Variants in TM2D1 observed in about 807,000 individuals in gnomAD.
TM2D1 encodes TM2 domain-containing protein 1.
A neutral mutation model predicts 28.4 loss-of-function variants in TM2D1; 15 were observed. The ratio of observed to expected loss-of-function variants is 0.53; its 90% CI spans 0.35 to 0.81. The LOEUF (loss-of-function observed/expected upper bound fraction) is 0.81, where lower values mean the gene tolerates loss of function less well. Ranked by LOEUF, TM2D1 falls within the 40% of genes least tolerant of loss-of-function variation. The pLI is 0.01. For synonymous variants in TM2D1, 93 were observed against 96.2 expected (o/e 0.97, Z 0.20); for missense variants, 236 against 254.9 (o/e 0.93, Z 0.50).
chr1:61,688,655 G>A (rs537630062), intron 5 of TM2D1, among the ~76,000 whole-genome samples: 28 of 151,338 alleles, frequency 1.9e-4, no homozygotes, highest in African/African-American at 3.2e-4. Context: ...CCCAGGAGGC[G>A]GAGGTCACAG....
At chr1:61,708,111 T>C (rs1644453643) in intron 3 of TM2D1, among the ~76,000 whole-genome samples, 1 of 152,156 alleles carries the variant, frequency 6.6e-6, no homozygotes, top group African/African-American at 2.4e-5. Flanking sequence ...TCTGTTACTG[T>C]GATCATAGCT....
At chr1:61,700,005 A>G in intron 4 of TM2D1, 1 of 874,432 alleles carries the variant, frequency 1.1e-6, no homozygotes, top group Non-Finnish European at 1.5e-6. Flanking sequence ...TTTGCTAGCT[A>G]GTAGGCAGAG....
chr1:61,688,408 T>C (rs1438963433), intron 5 of TM2D1, among the ~76,000 whole-genome samples: 2 of 152,138 alleles, frequency 1.3e-5, no homozygotes, highest in Non-Finnish European at 2.9e-5. Flanking sequence ...CAGGGAGCTA[T>C]CTGAAAGATT....
chr1:61,716,398 T>C (rs1047353297), intron 2 of TM2D1, among the ~76,000 whole-genome samples: 2 of 145,716 alleles, frequency 1.4e-5, no homozygotes, highest in African/African-American at 5.0e-5. Flanking sequence ...TATAATTACA[T>C]ATATAATTTT....
chr1:61,706,086 A>G (rs1263259349), intron 3 of TM2D1, among the ~76,000 whole-genome samples: 1 of 152,238 alleles, frequency 6.6e-6, no homozygotes, highest in East Asian at 1.9e-4. Context: ...TGGTAGGCAC[A>G]TACCTAATAT....
At chr1:61,723,238 C>G (rs1198976979) in intron 2 of TM2D1, among the ~76,000 whole-genome samples, 1 of 152,072 alleles carries the variant, frequency 6.6e-6, no homozygotes, top group Non-Finnish European at 1.5e-5. Context: ...TGACATTTAT[C>G]AAAGTGACAT....
At chr1:61,690,764 A>G (rs954454922) in intron 5 of TM2D1, among the ~76,000 whole-genome samples, 1 of 152,216 alleles carries the variant, frequency 6.6e-6, no homozygotes, top group African/African-American at 2.4e-5. Flanking sequence ...GAAAAGTCAA[A>G]TCCATTGTTT....
chr1:61,699,263 C>G (rs780844371), intron 4 of TM2D1: 1 of 152,082 alleles, frequency 6.6e-6, no homozygotes, highest in African/African-American at 2.4e-5. Context: ...CGGAGCATAC[C>G]TTGAGCCCAG....
chr1:61,714,142 G>A (rs985539117), intron 2 of TM2D1, among the ~76,000 whole-genome samples: 10 of 148,082 alleles, frequency 6.8e-5, no homozygotes, highest in African/African-American at 9.8e-5. Flanking sequence ...TGATCCACCC[G>A]CCTCGGCCTC....
intron 5 of TM2D1, among the ~76,000 whole-genome samples, chr1:61,691,932 A>AAAAAAATATATATATATAT: frequency 0.011 from 821 of 75,820 alleles, 10 homozygotes; most frequent in Non-Finnish European, 0.017. Flanking sequence ...AAAAAAAAAA[A>AAAAAAATATATATATATAT]ATATATATAT....
At chr1:61,710,475 T>TATACAC (rs1553142687) in intron 2 of TM2D1, among the ~76,000 whole-genome samples, 2 of 119,580 alleles carry the variant, frequency 1.7e-5, no homozygotes, top group African/African-American at 6.4e-5. Flanking sequence ...TATATATATA[T>TATACAC]ACACACACAC....
At chr1:61,708,976 G>T (rs1381830717) in intron 3 of TM2D1, among the ~76,000 whole-genome samples, 1 of 152,020 alleles carries the variant, frequency 6.6e-6, no homozygotes, top group Non-Finnish European at 1.5e-5. Flanking sequence ...ACCAGCGCTG[G>T]GAAACATAGA....
intron 2 of TM2D1, among the ~76,000 whole-genome samples, chr1:61,713,477 C>T (rs1644493315): frequency 1.0e-5 from 1 of 100,166 alleles, no homozygotes; most frequent in Non-Finnish European, 1.9e-5. Flanking sequence ...AGACCCCCCG[C>T]AACTCAAAAA....
intron 2 of TM2D1, among the ~76,000 whole-genome samples, chr1:61,719,377 A>AG (rs1383580977): frequency 6.6e-6 from 1 of 151,582 alleles, no homozygotes; most frequent in African/African-American, 2.4e-5. Flanking sequence ...AAAACACAAA[A>AG]GTATTTCTAG....
chr1:61,690,283 C>G (rs909324226), intron 5 of TM2D1, among the ~76,000 whole-genome samples: 4 of 151,532 alleles, frequency 2.6e-5, no homozygotes, highest in African/African-American at 4.9e-5. Context: ...ATGGTGAAAC[C>G]CTGTCTCTAC....
At chr1:61,707,149 G>A (rs902013286) in intron 3 of TM2D1, among the ~76,000 whole-genome samples, 7 of 152,106 alleles carry the variant, frequency 4.6e-5, no homozygotes, top group African/African-American at 1.7e-4. Context: ...CAGCTACTTG[G>A]GAGGCTGAGA....
intron 2 of TM2D1, among the ~76,000 whole-genome samples, chr1:61,716,330 ACCC>A (rs1174592952): frequency 6.8e-6 from 1 of 148,062 alleles, no homozygotes; most frequent in Non-Finnish European, 1.5e-5. Context: ...CTCTCCGCCA[ACCC>A]CCCAACAAAT....
At chr1:61,683,665 C>A in intron 5 of TM2D1, 119 bp from the exon 6 acceptor site, 1 of 551,232 alleles carries the variant, frequency 1.8e-6, no homozygotes, top group South Asian at 2.5e-5. Context: ...CAGCTCTAAC[C>A]TAAGCAAAAA....
intron 2 of TM2D1, among the ~76,000 whole-genome samples, chr1:61,720,851 C>G (rs534615474): frequency 2.0e-5 from 3 of 152,148 alleles, no homozygotes; most frequent in South Asian, 4.1e-4. Flanking sequence ...CCTTTTGTCC[C>G]AATTCCTACT....
Sources: allele counts gnomAD v4.1 joint callset (sites outside exome capture counted in the v4.1 genomes callset), GRCh38; gene constraint gnomAD v4.1.1; transcripts MANE v1.5; gene names NCBI Gene and HGNC (gene_info 2026-07-23, HGNC 2026-07-21).